The following CELF2 variants were observed in gnomAD, a reference collection of about 807,000 sequenced individuals.
CELF2 encodes the protein CUG triplet repeat RNA-binding protein 2.
CELF2 carries 8 observed loss-of-function variants against 62.6 expected under a neutral mutation model. The observed-to-expected ratio is 0.13, with a 90% CI of 0.07 to 0.23. The LOEUF is 0.23. Ranked by LOEUF, CELF2 falls within the 10% of genes least tolerant of loss-of-function variation. The pLI is 1.00. For missense variants in CELF2, 333 were observed against 671.0 expected (o/e 0.50, Z 5.56); for synonymous variants, 258 against 250.0 (o/e 1.03, Z -0.30).
the CELF2 span, among the ~76,000 whole-genome samples, chr10:10,699,449 G>C: frequency 2.0e-5 from 3 of 152,216 alleles, no homozygotes; most frequent in Non-Finnish European, 4.4e-5. Flanking sequence ...TGGATACTTA[G>C]ACAGTTAGCA....
At chr10:11,200,855 C>T (rs777420152) in intron 2 of CELF2, among the ~76,000 whole-genome samples, 4 of 152,160 alleles carry the variant, frequency 2.6e-5, no homozygotes, top group East Asian at 1.9e-4. Context: ...TGAGTCGCAC[C>T]GTACAAGTTG....
At chr10:10,667,296 CT>C in the CELF2 span, among the ~76,000 whole-genome samples, 1 of 152,210 alleles carries the variant, frequency 6.6e-6, no homozygotes, top group African/African-American at 2.4e-5. Context: ...GTGACTGCCC[CT>C]GTCAGTCGAT....
chr10:10,753,535 C>T, the CELF2 span, among the ~76,000 whole-genome samples: 1 of 152,160 alleles, frequency 6.6e-6, no homozygotes, highest in Non-Finnish European at 1.5e-5. Flanking sequence ...GAAAAGTGAG[C>T]CCACTCCCAG....
chr10:10,585,948 A>G, the CELF2 span, among the ~76,000 whole-genome samples: 1 of 152,188 alleles, frequency 6.6e-6, no homozygotes, highest in South Asian at 2.1e-4. Context: ...GAAGAGAGAA[A>G]AGAAAAGCCA....
the CELF2 span, among the ~76,000 whole-genome samples, chr10:10,719,448 T>C: frequency 6.6e-6 from 1 of 152,056 alleles, no homozygotes. Context: ...TTGTTTTTCG[T>C]AGAGATGGGG....
At chr10:10,725,659 C>T in the CELF2 span, among the ~76,000 whole-genome samples, 15 of 152,254 alleles carry the variant, frequency 9.9e-5, no homozygotes, top group Admixed American at 2.6e-4. Context: ...AGCTTGTCAA[C>T]TTGGGCCAAT....
chr10:10,727,934 GGACACAAAGATGAATAAGATT>G, the CELF2 span, among the ~76,000 whole-genome samples: 2 of 151,988 alleles, frequency 1.3e-5, no homozygotes, highest in Non-Finnish European at 1.5e-5. Context: ...GAGCTGCTGG[GGACACAAAGATGAATAAGATT>G]CTCCCCGTGT....
chr10:10,724,968 G>A, the CELF2 span, among the ~76,000 whole-genome samples: 5 of 152,168 alleles, frequency 3.3e-5, no homozygotes, highest in Non-Finnish European at 7.3e-5. Flanking sequence ...CCTAGAAGGT[G>A]GCAGCTACGT....
chr10:10,636,857 A>C, the CELF2 span, among the ~76,000 whole-genome samples: 1 of 152,180 alleles, frequency 6.6e-6, no homozygotes, highest in Non-Finnish European at 1.5e-5. Context: ...GACATTTGCA[A>C]GTGTGATAAT....
the CELF2 span, among the ~76,000 whole-genome samples, chr10:10,686,545 C>G: frequency 6.6e-6 from 1 of 152,042 alleles, no homozygotes; most frequent in South Asian, 2.1e-4. Flanking sequence ...ACCAGGTGGA[C>G]AAAATTGAAT....
At chr10:10,914,472 A>AT (rs570064952) in intron 1 of CELF2, among the ~76,000 whole-genome samples, 2 of 152,234 alleles carry the variant, frequency 1.3e-5, no homozygotes, top group Middle Eastern at 3.4e-3. Context: ...AAATTAAAAG[A>AT]TTTTTTTTAA....
the CELF2 span, among the ~76,000 whole-genome samples, chr10:10,522,303 T>G: frequency 2.6e-5 from 4 of 152,184 alleles, no homozygotes; most frequent in South Asian, 4.1e-4. Flanking sequence ...CCAACCAACA[T>G]TAGGAAATAT....
At chr10:11,065,393 A>C (rs2067823641) in intron 1 of CELF2, among the ~76,000 whole-genome samples, 1 of 152,244 alleles carries the variant, frequency 6.6e-6, no homozygotes, top group Admixed American at 6.5e-5. Flanking sequence ...GAAATTCCTT[A>C]CTACCGAAAT....
At chr10:11,015,459 C>T (rs1362828935), upstream of CELF2, among the ~76,000 whole-genome samples, 7 of 152,208 alleles carry the variant, frequency 4.6e-5, no homozygotes, top group African/African-American at 1.2e-4. This position sits in a 1 kb window ranked among gnomAD's most constrained non-coding sequence, Gnocchi z 4.8. Context: ...CTGGTATCTA[C>T]ATCAAGTGCC....
intron 1 of CELF2, among the ~76,000 whole-genome samples, chr10:10,843,613 A>G (rs1029815627): frequency 2.0e-5 from 3 of 152,090 alleles, no homozygotes; most frequent in Admixed American, 6.6e-5. Flanking sequence ...TGAATTTTCC[A>G]TGGGATTTTA....
Position 11,270,412 on chromosome 10 carries a change from C to T in CELF2, c.619-254C>T, listed in dbSNP as rs983818741. 2.0e-5 allele frequency among the ~76,000 whole-genome samples: 3 copies of T among 152,110 alleles called. No homozygotes were observed. Among genetic ancestry groups the T allele is most frequent in the African/African-American group, 4.8e-5 (2 of 41,446 alleles). On this transcript the variant is annotated intron_variant, in intron 6 of 12. Coordinates refer to ENST00000633077, the MANE Select transcript of CELF2 (RefSeq NM_001326342.2). The surrounding 1 kb of genome is among the most constrained non-coding windows in gnomAD (Gnocchi z 5.8). Reference sequence around the variant, plus strand: ...GAAGACACAGGAAGAGAAGGAGAGGCAGTTACTAATCAGAGCAAGAAAGCA... The same window carrying T: ...GAAGACACAGGAAGAGAAGGAGAGGTAGTTACTAATCAGAGCAAGAAAGCA...
chr10:11,292,269 T>C (rs1590847225), intron 9 of CELF2, among the ~76,000 whole-genome samples: 2 of 152,142 alleles, frequency 1.3e-5, no homozygotes, highest in African/African-American at 4.8e-5. Flanking sequence ...GTAACAGAGA[T>C]TGGAGTGTTT....
the CELF2 span, among the ~76,000 whole-genome samples, chr10:10,706,520 C>T: frequency 6.6e-6 from 1 of 152,090 alleles, no homozygotes; most frequent in Non-Finnish European, 1.5e-5. Flanking sequence ...AAAGAAAGGC[C>T]TATGACCTTC....
At chr10:11,049,970 C>CCATGCCACCTGCTGGTTCCA (rs966041100) in intron 1 of CELF2, among the ~76,000 whole-genome samples, 1 of 152,304 alleles carries the variant, frequency 6.6e-6, no homozygotes, top group African/African-American at 2.4e-5. Flanking sequence ...TGCTGGTTCC[C>CCATGCCACCTGCTGGTTCCA]CATGCCACCT....
Sources: allele counts gnomAD v4.1 joint callset (sites outside exome capture counted in the v4.1 genomes callset), GRCh38; gene constraint gnomAD v4.1.1; non-coding constraint Gnocchi (gnomAD v3.1); transcripts MANE v1.5; gene names NCBI Gene and HGNC (gene_info 2026-07-23, HGNC 2026-07-21).